Variants in BLTP1 observed in about 807,000 individuals in gnomAD.
BLTP1 encodes bridge-like lipid transfer protein family member 1.
the BLTP1 span, chr4:122,238,079 T>A: frequency 2.5e-6 from 4 of 1,611,974 alleles, no homozygotes; most frequent in Non-Finnish European, 3.4e-6. Context: ...TAACCCACCT[T>A]TTGTTTGTTT....
the BLTP1 span, chr4:122,199,931 C>T: frequency 2.0e-6 from 2 of 978,012 alleles, no homozygotes; most frequent in Non-Finnish European, 2.4e-6. Context: ...ATGTAAATGC[C>T]CATGATTAAA....
the BLTP1 span, among the ~76,000 whole-genome samples, chr4:122,158,667 A>G: frequency 6.6e-6 from 1 of 152,174 alleles, no homozygotes; most frequent in South Asian, 2.1e-4. Flanking sequence ...GCTACTCGGA[A>G]GGCTGAGGCA....
the BLTP1 span, chr4:122,250,303 G>A: frequency 6.6e-7 from 1 of 1,503,794 alleles, no homozygotes; most frequent in African/African-American, 1.4e-5. Flanking sequence ...ATATTGTAGA[G>A]TACAGCATTA....
the BLTP1 span, chr4:122,243,738 T>G: frequency 7.9e-7 from 1 of 1,262,460 alleles, no homozygotes; most frequent in Non-Finnish European, 1.0e-6. Context: ...AAAAGTCAAG[T>G]CCAATTCCAT....
the BLTP1 span, among the ~76,000 whole-genome samples, chr4:122,159,506 A>G: frequency 6.6e-5 from 10 of 152,226 alleles, no homozygotes; most frequent in Admixed American, 2.0e-4. Flanking sequence ...AAGGAATGAA[A>G]TACATTTTAA....
the BLTP1 span, chr4:122,182,992 A>G: frequency 1.0e-6 from 1 of 985,012 alleles, no homozygotes; most frequent in Admixed American, 6.1e-5. Flanking sequence ...ATTCATTTTA[A>G]TGAGATGTAA....
the BLTP1 span, chr4:122,315,466 C>T: frequency 6.2e-7 from 1 of 1,613,820 alleles, no homozygotes; most frequent in Non-Finnish European, 8.5e-7. Context: ...AAACAGAAAG[C>T]AGTAGTGCTG....
chr4:122,222,312 C>G, the BLTP1 span, among the ~76,000 whole-genome samples: 1 of 152,114 alleles, frequency 6.6e-6, no homozygotes, highest in African/African-American at 2.4e-5. Flanking sequence ...CTGGGTTACC[C>G]ACTTGTAGTT....
chr4:122,180,419 G>A, the BLTP1 span, among the ~76,000 whole-genome samples: 1 of 152,118 alleles, frequency 6.6e-6, no homozygotes, highest in African/African-American at 2.4e-5. Context: ...TCAGAATAAT[G>A]ATAAAGGCAG....
At chr4:122,359,059 A>C in the BLTP1 span, among the ~76,000 whole-genome samples, 1 of 150,986 alleles carries the variant, frequency 6.6e-6, no homozygotes, top group African/African-American at 2.4e-5. Flanking sequence ...TGGTGTGTGA[A>C]TTATATCTCA....
At chr4:122,331,918 G>T in the BLTP1 span, 706 of 372,720 alleles carry the variant, frequency 1.9e-3, 2 homozygotes, top group African/African-American at 0.014. Flanking sequence ...AGTTCATAAA[G>T]AAATAAGAAA....
chr4:122,304,211 A>G, the BLTP1 span, among the ~76,000 whole-genome samples: 1 of 152,094 alleles, frequency 6.6e-6, no homozygotes, highest in Non-Finnish European at 1.5e-5. Flanking sequence ...TTTTTTAGCA[A>G]TAAAGTTTTG....
At chr4:122,304,477 G>A in the BLTP1 span, among the ~76,000 whole-genome samples, 263 of 152,222 alleles carry the variant, frequency 1.7e-3, no homozygotes, top group Non-Finnish European at 2.9e-3. Context: ...TCCCAATGTG[G>A]TGAGATTACA....
At chr4:122,270,944 A>C in the BLTP1 span, 1 of 1,459,696 alleles carries the variant, frequency 6.9e-7, no homozygotes, top group East Asian at 2.5e-5. Flanking sequence ...GATTTTGCCT[A>C]TAAATTAATA....
At chr4:122,339,346 C>G in the BLTP1 span, 1 of 1,613,232 alleles carries the variant, frequency 6.2e-7, no homozygotes, top group Non-Finnish European at 8.5e-7. Flanking sequence ...GAGACTTTAT[C>G]CCCTGGAGGT....
the BLTP1 span, chr4:122,247,558 T>C: frequency 3.2e-4 from 346 of 1,076,350 alleles, 1 homozygote; most frequent in Admixed American, 4.0e-4. Context: ...AAATAAACTT[T>C]GGTAAGAAAA....
At chr4:122,344,673 T>C in the BLTP1 span, 5 of 1,130,694 alleles carry the variant, frequency 4.4e-6, no homozygotes, top group Non-Finnish European at 6.2e-6. Flanking sequence ...CTTTCAGTGA[T>C]AAGTTGATAT....
the BLTP1 span, chr4:122,341,737 G>A: frequency 1.0e-6 from 1 of 985,174 alleles, no homozygotes; most frequent in South Asian, 4.7e-5. Context: ...TCAGTGCTAG[G>A]GCATAGTAAT....
At chr4:122,271,010 G>GT in the BLTP1 span, 1 of 1,554,898 alleles carries the variant, frequency 6.4e-7, no homozygotes, top group Non-Finnish European at 8.7e-7. Flanking sequence ...TTTATTTCAC[G>GT]TTTTTAGGCA....
Sources: allele counts gnomAD v4.1 joint callset (sites outside exome capture counted in the v4.1 genomes callset), GRCh38; gene constraint gnomAD v4.1.1; transcripts MANE v1.5; gene names NCBI Gene and HGNC (gene_info 2026-07-23, HGNC 2026-07-21).